The following WDR49 variants were observed in gnomAD, a reference collection of about 807,000 sequenced individuals.
WDR49 encodes the protein WD repeat domain 49.
WDR49 carries 107 observed loss-of-function variants against 119.5 expected under a neutral mutation model. The ratio of observed to expected loss-of-function variants is 0.90; its 90% CI spans 0.77 to 1.05. The LOEUF (loss-of-function observed/expected upper bound fraction) is 1.05, where lower values mean the gene tolerates loss of function less well. Among genes scored for constraint, WDR49 ranks in the 50% least tolerant of loss-of-function variants. WDR49 has a pLI of 0.00. For synonymous variants in WDR49, 425 were observed against 418.8 expected (o/e 1.01, Z -0.18); for missense variants, 1,240 against 1,220.5 (o/e 1.02, Z -0.24).
intron 2 of WDR49, among the ~76,000 whole-genome samples, chr3:167,636,424 T>G (rs1315432589): frequency 1.3e-5 from 2 of 151,776 alleles, no homozygotes; most frequent in Non-Finnish European, 2.9e-5. Context: ...ACTTCCACAT[T>G]TTCACAATTT....
At chr3:167,596,355 C>G (rs1180110850) in intron 7 of WDR49, among the ~76,000 whole-genome samples, 2,507 of 148,810 alleles carry the variant, frequency 0.017, 56 homozygotes, top group African/African-American at 0.055. Flanking sequence ...TTTGACCCAG[C>G]CATCCCATTA....
intron 17 of WDR49, 87 bp from the exon 18 acceptor site, chr3:167,500,386 G>A (rs960285764): frequency 1.3e-6 from 2 of 1,504,108 alleles, no homozygotes; most frequent in Admixed American, 2.3e-5. Flanking sequence ...ACATTTCCAA[G>A]TTAACTTTTA....
chr3:167,646,691 C>A (rs923718010), intron 2 of WDR49, among the ~76,000 whole-genome samples: 2 of 152,060 alleles, frequency 1.3e-5, no homozygotes, highest in African/African-American at 4.8e-5. Flanking sequence ...ACATCTGTAG[C>A]AAAACTAGTG....
At chr3:167,487,017 A>G (rs1229578484) in intron 18 of WDR49, among the ~76,000 whole-genome samples, 1 of 152,104 alleles carries the variant, frequency 6.6e-6, no homozygotes, top group Non-Finnish European at 1.5e-5. Context: ...CAGAATTAGG[A>G]AAAACTATTC....
At chr3:167,541,693 C>T (rs1215632874) in intron 10 of WDR49, among the ~76,000 whole-genome samples, 1 of 152,002 alleles carries the variant, frequency 6.6e-6, no homozygotes, top group Non-Finnish European at 1.5e-5. Flanking sequence ...AAAACAGTAC[C>T]TCACGTCTCA....
In WDR49 at chr3:167,495,084, T is replaced by C. The variant is rs536876006; in HGVS notation, c.3031+5069A>G. Among the ~76,000 whole-genome samples the C allele has an allele frequency of 5.3e-5, 8 of 151,798 alleles. No individual in the cohort carries two copies. The South Asian group carries it at 1.5e-3, about 28-fold the overall frequency. ...TTTCAGTGTCTATAGATCTTTTAAATTTTCTGTCATACAATAAAAAATTAT... is the reference window on the plus strand; with the variant it reads ...TTTCAGTGTCTATAGATCTTTTAAACTTTCTGTCATACAATAAAAAATTAT... On this transcript the variant is annotated intron_variant, in intron 18 of 18. Transcript: ENST00000682715.
At chr3:167,620,390 A>T (rs1716810117) in intron 5 of WDR49, 39 bp downstream of exon 5, 10 of 1,514,670 alleles carry the variant, frequency 6.6e-6, no homozygotes, top group Non-Finnish European at 7.1e-6. Context: ...TACAAGTCAG[A>T]GGTGACCATT....
intron 12 of WDR49, 151 bp downstream of exon 12, chr3:167,532,727 CT>C: frequency 1.9e-6 from 1 of 514,536 alleles, no homozygotes; most frequent in Non-Finnish European, 3.4e-6. Context: ...TTCTCTTTAG[CT>C]ACTTTGGCAA....
At chr3:167,609,355 C>A (rs1210406344) in intron 5 of WDR49, among the ~76,000 whole-genome samples, 1 of 151,976 alleles carries the variant, frequency 6.6e-6, no homozygotes, top group East Asian at 1.9e-4. Flanking sequence ...CCCCTACCAG[C>A]AACTGCGTGG....
At chr3:167,552,656 T>C (rs762037625) in intron 10 of WDR49, among the ~76,000 whole-genome samples, 6 of 152,030 alleles carry the variant, frequency 3.9e-5, no homozygotes, top group Non-Finnish European at 8.8e-5. Context: ...AATGGATAAC[T>C]GAGCTTAGAG....
intron 4 of WDR49, among the ~76,000 whole-genome samples, 199 bp downstream of exon 4, chr3:167,621,267 AC>A (rs1716854992): frequency 6.6e-6 from 1 of 151,926 alleles, no homozygotes; most frequent in Non-Finnish European, 1.5e-5. Context: ...AAACAAACAA[AC>A]CCCCACACAC....
At chr3:167,522,622 G>A (rs749399475) in intron 15 of WDR49, 138 bp from the exon 16 acceptor site, 26 of 747,380 alleles carry the variant, frequency 3.5e-5, no homozygotes, top group Non-Finnish European at 4.6e-5. Context: ...ATATGACTCC[G>A]GTCCACAAGA....
At chr3:167,488,259 G>A (rs188609280) in intron 18 of WDR49, among the ~76,000 whole-genome samples, 6 of 151,718 alleles carry the variant, frequency 4.0e-5, no homozygotes, top group African/African-American at 1.5e-4. Flanking sequence ...TGATGAAGCT[G>A]TAGGATAAAA....
chr3:167,633,414 C>T (rs1210547700), intron 2 of WDR49: 5 of 455,578 alleles, frequency 1.1e-5, no homozygotes, highest in Non-Finnish European at 2.2e-5. Flanking sequence ...TTTACCTGTT[C>T]CCAGAACCAT....
chr3:167,517,269 T>G (rs978895490), intron 16 of WDR49, among the ~76,000 whole-genome samples: 4 of 152,020 alleles, frequency 2.6e-5, no homozygotes, highest in Non-Finnish European at 4.4e-5. Context: ...AACTTCAAAC[T>G]GTACTACACG....
At chr3:167,482,730 A>C (rs548487176) in intron 18 of WDR49, among the ~76,000 whole-genome samples, 1 of 152,070 alleles carries the variant, frequency 6.6e-6, no homozygotes, top group African/African-American at 2.4e-5. Flanking sequence ...TTTTGAAAAA[A>C]ATAACTTGCT....
chr3:167,634,989 CT>C (rs1264796371), intron 2 of WDR49, among the ~76,000 whole-genome samples: 2 of 151,702 alleles, frequency 1.3e-5, no homozygotes, highest in African/African-American at 4.8e-5. Context: ...AGCTATGCCT[CT>C]TATATATTGG....
intron 5 of WDR49, among the ~76,000 whole-genome samples, chr3:167,605,738 C>T (rs1716030558): frequency 6.6e-6 from 1 of 152,116 alleles, no homozygotes; most frequent in African/African-American, 2.4e-5. Context: ...GTGTGGGAAA[C>T]AAAAGGTAAA....
At chr3:167,535,356 G>T (rs551272645) in intron 11 of WDR49, among the ~76,000 whole-genome samples, 1 of 151,960 alleles carries the variant, frequency 6.6e-6, no homozygotes, top group South Asian at 2.1e-4. Context: ...TAGTATAAGG[G>T]GTTAATATCC....
Sources: allele counts gnomAD v4.1 joint callset (sites outside exome capture counted in the v4.1 genomes callset), GRCh38; gene constraint gnomAD v4.1.1; transcripts MANE v1.5; gene names NCBI Gene and HGNC (gene_info 2026-07-23, HGNC 2026-07-21).